PKHD1: variants seen among roughly 807,000 people sequenced by gnomAD.
PKHD1 encodes the protein fibrocystin.
PKHD1 carries 291 observed loss-of-function variants against 412.0 expected under a neutral mutation model. The ratio of observed to expected loss-of-function variants is 0.71; its 90% confidence interval spans 0.64 to 0.78. PKHD1 has a LOEUF of 0.78. Among genes scored for constraint, PKHD1 ranks in the 30% least tolerant of loss-of-function variants. The pLI is 0.00. For missense variants in PKHD1, 4,825 were observed against 4,950.7 expected (o/e 0.97, Z 0.76); for synonymous variants, 1,777 against 1,821.5 (o/e 0.98, Z 0.62).
intron 51 of PKHD1, among the ~76,000 whole-genome samples, chr6:51,834,810 A>G (rs1389594469): frequency 6.6e-6 from 1 of 152,186 alleles, no homozygotes. Flanking sequence ...AAAACTGGCT[A>G]GATTTTAATA....
At chr6:51,752,277 C>T (rs543539123) in intron 57 of PKHD1, among the ~76,000 whole-genome samples, 6 of 152,234 alleles carry the variant, frequency 3.9e-5, no homozygotes, top group South Asian at 4.2e-4. Flanking sequence ...TATGGGTGGT[C>T]GTCCTGTGCA....
At chr6:51,984,632 T>G (rs1795988027) in intron 35 of PKHD1, among the ~76,000 whole-genome samples, 1 of 152,210 alleles carries the variant, frequency 6.6e-6, no homozygotes, top group Non-Finnish European at 1.5e-5. Context: ...AGTATGAAAT[T>G]CAGAACTGCT....
At position 51,648,077 on chromosome 6, in the gene PKHD1, C is replaced by T; in HGVS notation, c.11352G>A (p.Trp3784Ter). The T allele has an allele frequency of 6.2e-7, 1 of 1,609,666 alleles. No individual in the cohort carries two copies. Among genetic ancestry groups the T allele is most frequent in the Non-Finnish European group, 8.5e-7 (1 of 1,175,940 alleles). The change falls in exon 63 of 67, where the codon TGG becomes TGA. Residue 3784 changes from tryptophan (W) to a stop codon, truncating the protein, a stop_gained. Transcript: ENST00000371117. LOFTEE classifies it high-confidence loss of function. ...CTCCTTCCAGGGAAGCTGAAATTGTCCATGGCTCTGAAGGAGGTCCCAGGG... is the reference window on the plus strand; with the variant it reads ...CTCCTTCCAGGGAAGCTGAAATTGTTCATGGCTCTGAAGGAGGTCCCAGGG... Reference protein sequence around the residue: ...VESLGPPSEPWTISASLEGAS... With the variant: ...VESLGPPSEP
intron 61 of PKHD1, among the ~76,000 whole-genome samples, chr6:51,650,995 T>TA (rs769328954): frequency 1.3e-5 from 2 of 152,146 alleles, no homozygotes; most frequent in African/African-American, 4.8e-5. Context: ...ACCTTTTCCT[T>TA]AAATTCTTTC....
At chr6:52,056,397 T>A (rs893656453) in intron 18 of PKHD1, among the ~76,000 whole-genome samples, 1 of 152,144 alleles carries the variant, frequency 6.6e-6, no homozygotes, top group African/African-American at 2.4e-5. Context: ...TATGTTTGCA[T>A]GTTTCTCACC....
At chr6:52,024,506 C>T (rs941244677) in intron 32 of PKHD1, 68 bp downstream of exon 32, 1 of 1,444,248 alleles carries the variant, frequency 6.9e-7, no homozygotes, top group Non-Finnish European at 9.7e-7. Context: ...TTTCTACTTT[C>T]CAGAAGTGAA....
chr6:51,754,928 C>T lies in PKHD1; in HGVS notation c.8653G>A (p.Glu2885Lys). The change falls in exon 56 of 67, where the codon GAA becomes AAA. Residue 2885 changes from glutamate (E) to lysine (K), a missense_variant. Transcript: ENST00000371117. The stretch of plus-strand genomic sequence containing the variant: ...TGGGGGCGCCAATCCACTGCATCTT[C>T]TACTATAATTCTGTAACAGCATAAC... ...IASGNERIIV[E>K]DAVDWRPHDK... 6.2e-7 allele frequency: 1 copy of T among 1,613,036 alleles called. No individual in the cohort carries two copies. Among genetic ancestry groups the T allele is most frequent in the Non-Finnish European group, 8.5e-7 (1 of 1,179,124 alleles).
chr6:51,942,108 CA>C (rs1367815350), intron 36 of PKHD1, among the ~76,000 whole-genome samples: 1 of 151,620 alleles, frequency 6.6e-6, no homozygotes, highest in Non-Finnish European at 1.5e-5. Flanking sequence ...TATAAGCTCA[CA>C]AAAGGAAACC....
intron 28 of PKHD1, among the ~76,000 whole-genome samples, chr6:52,033,468 G>A (rs1052218851): frequency 1.3e-5 from 2 of 151,872 alleles, no homozygotes; most frequent in South Asian, 2.1e-4. Context: ...CACACCAATT[G>A]TTTCTGCAAA....
At chr6:52,033,288 G>A (rs1803361414) in intron 28 of PKHD1, 123 bp from the exon 29 acceptor site, 6 of 790,240 alleles carry the variant, frequency 7.6e-6, no homozygotes, top group Non-Finnish European at 1.3e-5. Context: ...TTCCTAAAGG[G>A]TATATTTCCT....
In PKHD1 at chr6:52,025,714, G is replaced by A; in HGVS notation, c.4096C>T (p.Leu1366Phe). The A allele has an allele frequency of 2.5e-6, 4 of 1,614,206 alleles. No homozygotes were observed. Among genetic ancestry groups the A allele is most frequent in the Non-Finnish European group, 3.4e-6 (4 of 1,180,036 alleles). ...CCCATCTGCTTCTGACGTACTTGGA[G>A]AGGATAGATGCCAGCCTCCAGACTG... ...LHSLEAGIYP[L>F]QVRQKQMGFA... is the part of the protein sequence containing the mutation. Residue 1366 changes from leucine (L) to phenylalanine (F), a missense_variant, in exon 32 of 67, where the codon CTC becomes TTC. Coordinates refer to ENST00000371117, the MANE Select transcript of PKHD1 (RefSeq NM_138694.4).
At chr6:52,042,833 A>G (rs765119764) in intron 27 of PKHD1, 26 bp downstream of exon 27, 17 of 1,608,998 alleles carry the variant, frequency 1.1e-5, no homozygotes, top group Non-Finnish European at 1.4e-5. Flanking sequence ...AGGGTCAGAC[A>G]TACTGTGAGA....
chr6:51,904,158 A>G, intron 41 of PKHD1, 116 bp from the exon 42 acceptor site: 2 of 728,504 alleles, frequency 2.7e-6, no homozygotes, highest in South Asian at 1.4e-5. Context: ...TTGTGTTTTT[A>G]TCTGTAAATC....
At chr6:52,076,147 T>G in intron 6 of PKHD1, 129 bp downstream of exon 6, 1 of 723,060 alleles carries the variant, frequency 1.4e-6, no homozygotes, top group Non-Finnish European at 2.5e-6. Context: ...AGAGGTTGAC[T>G]CTTATTTTCA....
chr6:51,846,324 G>T (rs951634922), intron 50 of PKHD1, among the ~76,000 whole-genome samples: 1 of 152,196 alleles, frequency 6.6e-6, no homozygotes, highest in Admixed American at 6.5e-5. Flanking sequence ...GAGGCAAAGG[G>T]TGGACTCAGG....
intron 51 of PKHD1, among the ~76,000 whole-genome samples, chr6:51,832,357 G>A (rs1477182719): frequency 6.6e-6 from 1 of 152,108 alleles, no homozygotes; most frequent in Non-Finnish European, 1.5e-5. Context: ...GCAGACAGAA[G>A]GATGAGCATG....
At chr6:51,919,807 A>G (rs1445129178) in intron 37 of PKHD1, among the ~76,000 whole-genome samples, 3 of 152,162 alleles carry the variant, frequency 2.0e-5, no homozygotes, top group Non-Finnish European at 1.5e-5. Context: ...GATTTCCTTG[A>G]GCAGTGGGGT....
intron 37 of PKHD1, among the ~76,000 whole-genome samples, chr6:51,915,860 A>G (rs560668536): frequency 6.6e-6 from 1 of 152,196 alleles, no homozygotes; most frequent in African/African-American, 2.4e-5. Context: ...CAGAAAACAC[A>G]TTGTGAGAAC....
At chr6:51,894,752 C>G (rs111994702) in intron 43 of PKHD1, among the ~76,000 whole-genome samples, 2 of 152,330 alleles carry the variant, frequency 1.3e-5, no homozygotes, top group African/African-American at 4.8e-5. Flanking sequence ...ATTAGGCCAT[C>G]TTCTTCAAGT....
Sources: allele counts gnomAD v4.1 joint callset (sites outside exome capture counted in the v4.1 genomes callset), GRCh38; gene constraint gnomAD v4.1.1; transcripts MANE v1.5; gene names NCBI Gene and HGNC (gene_info 2026-07-23, HGNC 2026-07-21).